The following EEF1E1 variants were observed in gnomAD, a reference collection of about 807,000 sequenced individuals.
The protein encoded by EEF1E1 is eukaryotic translation elongation factor 1 epsilon-1.
A neutral mutation model predicts 19.9 loss-of-function variants in EEF1E1; 19 were observed. That is an observed-to-expected ratio of 0.95 (90% CI 0.66 to 1.40). The LOEUF (loss-of-function observed/expected upper bound fraction) is 1.40. Among genes scored for constraint, EEF1E1 ranks in the 40% most tolerant of loss-of-function variants. The pLI, the probability that EEF1E1 is intolerant of heterozygous loss-of-function variation, is 0.00. For synonymous variants in EEF1E1, 81 were observed against 80.0 expected (o/e 1.01, Z -0.07); for missense variants, 198 against 202.2 (o/e 0.98, Z 0.13).
At chr6:8,083,267 C>T (rs533771436) in intron 3 of EEF1E1, among the ~76,000 whole-genome samples, 1 of 152,304 alleles carries the variant, frequency 6.6e-6, no homozygotes, top group South Asian at 2.1e-4. Context: ...ACCACGTTGC[C>T]GCCTTTGGGA....
At chr6:8,090,903 G>C (rs936369260) in intron 2 of EEF1E1, among the ~76,000 whole-genome samples, 11 of 152,098 alleles carry the variant, frequency 7.2e-5, no homozygotes, top group African/African-American at 2.7e-4. Context: ...ATATTCCACT[G>C]TATGTACAGA....
chr6:8,093,324 CTTTTT>C (rs57000456), intron 2 of EEF1E1, among the ~76,000 whole-genome samples: 47 of 135,048 alleles, frequency 3.5e-4, no homozygotes, highest in Non-Finnish European at 5.3e-4. Context: ...CATTCGCTTC[CTTTTT>C]TTTTTTTTTT....
At chr6:8,077,590 G>A (rs971164846), downstream of EEF1E1, among the ~76,000 whole-genome samples, 5 of 152,146 alleles carry the variant, frequency 3.3e-5, no homozygotes, top group East Asian at 9.6e-4. Flanking sequence ...AATCTCTGCT[G>A]GCTTGGTTTC....
chr6:8,092,346 CTCTT>C (rs1299315295), intron 2 of EEF1E1, among the ~76,000 whole-genome samples: 1 of 152,210 alleles, frequency 6.6e-6, no homozygotes, highest in Non-Finnish European at 1.5e-5. Context: ...TGAATTTAAT[CTCTT>C]TGAGTTTGCA....
At chr6:8,101,243 A>AAT (rs1216617377) in intron 1 of EEF1E1, among the ~76,000 whole-genome samples, 98 of 58,452 alleles carry the variant, frequency 1.7e-3, no homozygotes, top group Admixed American at 3.3e-3. Context: ...AAAAAAAAAA[A>AAT]ATATATATAT....
intron 3 of EEF1E1, chr6:8,089,971 A>C (rs758744731): frequency 8.0e-4 from 321 of 400,114 alleles, no homozygotes; most frequent in Middle Eastern, 1.9e-3. Flanking sequence ...AATTCAAGAC[A>C]AAGTTTTTTT....
At chr6:8,098,496 A>G (rs778963821) in intron 1 of EEF1E1, among the ~76,000 whole-genome samples, 2 of 152,236 alleles carry the variant, frequency 1.3e-5, no homozygotes, top group Non-Finnish European at 2.9e-5. Context: ...GACTTGGTGA[A>G]GTATACAAGG....
intron 2 of EEF1E1, among the ~76,000 whole-genome samples, chr6:8,094,324 C>T (rs1164235787): frequency 1.3e-5 from 2 of 151,790 alleles, no homozygotes; most frequent in Admixed American, 6.6e-5. Flanking sequence ...ACGCCGGGTG[C>T]GGTGGCTCAC....
intron 3 of EEF1E1, among the ~76,000 whole-genome samples, chr6:8,089,088 T>C (rs1417726683): frequency 6.6e-6 from 1 of 152,142 alleles, no homozygotes; most frequent in Non-Finnish European, 1.5e-5. Context: ...AGACATTTAT[T>C]TGGACTGGCC....
chr6:8,099,751 A>AACACACACACACAC (rs1554099744), intron 1 of EEF1E1, among the ~76,000 whole-genome samples: 43 of 92,964 alleles, frequency 4.6e-4, no homozygotes, highest in African/African-American at 1.2e-3. Flanking sequence ...CCGCCTCAAA[A>AACACACACACACAC]ACACACACAC....
At chr6:8,096,775 AT>A (rs1758187036) in intron 2 of EEF1E1, among the ~76,000 whole-genome samples, 1 of 152,160 alleles carries the variant, frequency 6.6e-6, no homozygotes, top group Non-Finnish European at 1.5e-5. Flanking sequence ...GCCTTTGAAA[AT>A]AAAAATTTAA....
At chr6:8,088,149 T>C (rs1196382702) in intron 3 of EEF1E1, among the ~76,000 whole-genome samples, 2 of 152,186 alleles carry the variant, frequency 1.3e-5, no homozygotes, top group Non-Finnish European at 2.9e-5. Context: ...AGTCAACATT[T>C]GTACAGCATG....
intron 2 of EEF1E1, among the ~76,000 whole-genome samples, chr6:8,096,581 T>G (rs1758180365): frequency 6.6e-6 from 1 of 152,216 alleles, no homozygotes; most frequent in South Asian, 2.1e-4. Flanking sequence ...CAGAAGGAAT[T>G]CCTACAGTGA....
chr6:8,099,883 C>T (rs927248829), intron 1 of EEF1E1, among the ~76,000 whole-genome samples: 1 of 151,554 alleles, frequency 6.6e-6, no homozygotes, highest in South Asian at 2.1e-4. Context: ...TTAAATAACA[C>T]GTGACTGTAT....
At chr6:8,101,243 A>AAAAAATATATATAT (rs1271033598) in intron 1 of EEF1E1, among the ~76,000 whole-genome samples, 1 of 58,478 alleles carries the variant, frequency 1.7e-5, no homozygotes, top group Non-Finnish European at 2.9e-5. Context: ...AAAAAAAAAA[A>AAAAAATATATATAT]ATATATATAT....
At chr6:8,100,839 C>A (rs1002254539) in intron 1 of EEF1E1, among the ~76,000 whole-genome samples, 2 of 150,818 alleles carry the variant, frequency 1.3e-5, no homozygotes, top group African/African-American at 4.9e-5. Context: ...CCACGACAGT[C>A]CATGAAGTGC....
intron 3 of EEF1E1, among the ~76,000 whole-genome samples, chr6:8,082,153 AC>A (rs1376274602): frequency 6.6e-6 from 1 of 152,218 alleles, no homozygotes; most frequent in Non-Finnish European, 1.5e-5. Context: ...ATATTCTCCA[AC>A]TTAAACATTT....
At chr6:8,081,995 C>A (rs912710162) in intron 3 of EEF1E1, among the ~76,000 whole-genome samples, 1 of 152,140 alleles carries the variant, frequency 6.6e-6, no homozygotes, top group Admixed American at 6.5e-5. Flanking sequence ...TCAAGTTGTT[C>A]ACCCAGATTT....
chr6:8,084,778 C>T (rs943492029), intron 3 of EEF1E1, among the ~76,000 whole-genome samples: 1 of 152,084 alleles, frequency 6.6e-6, no homozygotes, highest in East Asian at 1.9e-4. Context: ...TTCTTGGAGC[C>T]CTGTTGGGTA....
Sources: allele counts gnomAD v4.1 joint callset (sites outside exome capture counted in the v4.1 genomes callset), GRCh38; gene constraint gnomAD v4.1.1; transcripts MANE v1.5; gene names NCBI Gene and HGNC (gene_info 2026-07-23, HGNC 2026-07-21).